Variants in MED25 observed in about 807,000 individuals in gnomAD.
MED25 encodes the protein mediator complex subunit 25.
Under a neutral mutation model 89.4 loss-of-function variants are expected in MED25, and 62 were observed. The observed-to-expected ratio is 0.69, with a 90% CI of 0.57 to 0.86. The LOEUF (loss-of-function observed/expected upper bound fraction) is 0.86. MED25 is among the 40% of genes least tolerant of loss of function. The pLI is 0.00. For missense variants in MED25, 905 were observed against 1,005.2 expected, an observed-to-expected ratio of 0.90 and a Z score of 1.35; for synonymous variants, 449 against 427.9, an observed-to-expected ratio of 1.05 and a Z score of -0.61.
At chr19:49,828,896 G>A (rs947907918) in intron 4 of MED25, 74 bp from the exon 5 acceptor site, 50 of 1,602,466 alleles carry the variant, frequency 3.1e-5, no homozygotes, top group South Asian at 1.4e-4. Context: ...GTGCATCTCC[G>A]CTGGTGCTGG....
At position 49,834,807 on chromosome 19, in the gene MED25, G is replaced by A. The variant is rs1266923636; in HGVS notation, c.1483-179G>A. 1 of 645,660 alleles carries A rather than the reference G, an allele frequency of 1.5e-6. No individual in the cohort carries two copies. The highest frequency in any genetic ancestry group is 1.8e-5 in the African/African-American group (1 of 55,154). The allele number at this position is 645,660 out of a possible 1,614,324, so 40.0% of individuals were successfully genotyped here. A position where few individuals can be genotyped will look rare whatever the true frequency, so the allele number is the denominator to read the frequency against. On this transcript the variant is annotated intron_variant, in intron 13 of 17. Transcript: ENST00000312865. The surrounding 1 kb of genome is among the most constrained non-coding windows in gnomAD (Gnocchi z 4.1). ...GGCAGCTGGAACCCTAGCTTGCCCTGAGCGCCTCAGTTTCTGTCTCCAGAG... is the reference window on the plus strand; with the variant it reads ...GGCAGCTGGAACCCTAGCTTGCCCTAAGCGCCTCAGTTTCTGTCTCCAGAG...
Position 49,830,933 on chromosome 19 carries a change from C to T in MED25, c.1101+46C>T. On this transcript the variant is annotated intron_variant, in intron 9 of 17. Transcript: ENST00000312865. The surrounding 1 kb of genome is among the most constrained non-coding windows in gnomAD (Gnocchi z 4.6). Reference sequence around the variant, plus strand: ...TGCCCCTGCTCCTTCCTCCTGCTGTCCACAGCTAGGACAGTTAGAGGATGA... The same window carrying T: ...TGCCCCTGCTCCTTCCTCCTGCTGTTCACAGCTAGGACAGTTAGAGGATGA... 6.5e-7 allele frequency: 1 copy of T among 1,546,158 alleles called. No individual in the cohort carries two copies.
chr19:49,818,986 G>A, intron 2 of MED25, 186 bp from the exon 3 acceptor site: 2 of 724,830 alleles, frequency 2.8e-6, no homozygotes, highest in Non-Finnish European at 4.7e-6. Context: ...GGGAGGAGGG[G>A]CCGGGGGCCT....
Position 49,830,426 on chromosome 19 carries a change from C to T in MED25, c.820-85C>T. On this transcript the variant is annotated intron_variant, in intron 7 of 17. Coordinates refer to ENST00000312865, the MANE Select transcript of MED25 (RefSeq NM_030973.4). The surrounding 1 kb of genome is among the most constrained non-coding windows in gnomAD (Gnocchi z 4.6). ...TATCCCAGCTGGTGCCTCATGGGGC[C>T]ATGGGTGGTGTGACCTCGTGGGATA... is the stretch of plus-strand genomic sequence containing the variant. 7.2e-7 allele frequency: 1 copy of T among 1,396,812 alleles called. No individual in the cohort carries two copies. The highest frequency in any genetic ancestry group is 1.0e-6 in the Non-Finnish European group (1 of 990,068). 86.5% of individuals were successfully genotyped at this position (1,396,812 alleles called of 1,614,324 possible).
rs2074088247 is a variant in MED25 at position 49,835,410 on chromosome 19, C to T, written c.1675-124C>T. The T allele has an allele frequency of 1.9e-6, 2 of 1,072,450 alleles. No homozygotes were observed. The highest frequency in any genetic ancestry group is 2.7e-6 in the Non-Finnish European group (2 of 740,328). The allele number at this position is 1,072,450 out of a possible 1,614,324, so 66.4% of individuals were successfully genotyped here. ...GGAGTGTACGGCATCCCTCCCAGAC[C>T]ACTCACCCCCAAAGAGAATGTCCCC... On this transcript the variant is annotated intron_variant, in intron 14 of 17. Transcript: ENST00000312865. This position sits in a 1 kb window ranked among gnomAD's most constrained non-coding sequence, Gnocchi z 6.2.
chr19:49,822,284 AC>A (rs1248003240), intron 3 of MED25, among the ~76,000 whole-genome samples: 40 of 140,854 alleles, frequency 2.8e-4, no homozygotes, highest in African/African-American at 1.1e-3. Context: ...AAAAAAAAAA[AC>A]CATACAAAAA....
Position 49,835,537 on chromosome 19 carries a change from G to T in MED25, c.1678G>T (p.Gly560Trp), listed in dbSNP as rs866498468. The change falls in exon 15 of 18, where the codon GGG becomes TGG. Residue 560 changes from glycine to tryptophan, a missense_variant. Around this residue, in one of 3 missense-constraint regions of MED25, gnomAD observed 271 missense variants for 258.1 expected, o/e 1.05. Transcript: ENST00000312865. The surrounding 1 kb of genome is among the most constrained non-coding windows in gnomAD (Gnocchi z 6.2). Reference protein sequence around the residue: ...QKLEQQQRGMGGQQAPPGLGP... With the variant: ...QKLEQQQRGMWGQQAPPGLGP... The stretch of plus-strand genomic sequence containing the variant: ...CTGCCCCTCTCTCCCCGTGCAGATG[G>T]GGGGACAGCAGGCACCCCCAGGGCT... The T allele has an allele frequency of 1.3e-6, 2 of 1,558,630 alleles. No homozygotes were observed. The highest frequency in any genetic ancestry group is 1.7e-6 in the Non-Finnish European group (2 of 1,152,000).
Position 49,829,702 on chromosome 19 carries a change from C to A in MED25, c.526-84C>A. ...TTGTAGGGCTGGTGCCGTCCAGCCA[C>A]ACAGCAGTTGTGGTAGGTTGGGGGC... On this transcript the variant is annotated intron_variant, in intron 5 of 17. Coordinates refer to ENST00000312865, the MANE Select transcript of MED25 (RefSeq NM_030973.4). The surrounding 1 kb of genome is among the most constrained non-coding windows in gnomAD (Gnocchi z 4.6). 4 of 1,426,218 alleles carry A rather than the reference C, an allele frequency of 2.8e-6. No homozygotes were observed. Among genetic ancestry groups the A allele is most frequent in the Middle Eastern group, 2.3e-4 (1 of 4,320 alleles). 88.3% of individuals were successfully genotyped at this position (1,426,218 alleles called of 1,614,324 possible).
rs1386644663 is a variant in MED25, at chr19:49,835,109, G to A, written c.1606G>A (p.Gly536Ser). 1.9e-6 allele frequency: 3 copies of A among 1,613,912 alleles called. No homozygotes were observed. In the African/African-American group the frequency reaches 4.0e-5, roughly 22 times the overall value. The change falls in exon 14 of 18, where the codon GGC becomes AGC. Residue 536 changes from glycine to serine, a missense_variant. By Grantham distance (56) the Gly-to-Ser change is moderately conservative. This residue lies in a region of MED25 where 133 missense variants were observed against 220.2 expected (regional missense o/e 0.60). Coordinates refer to ENST00000312865, the MANE Select transcript of MED25 (RefSeq NM_030973.4). The surrounding 1 kb of genome is among the most constrained non-coding windows in gnomAD (Gnocchi z 6.2). ...CTACGACCAGAGCGGCTTCGTCAAC[G>A]GCATCCGGCAGGTCATCACCAACCA... Reference protein sequence around the residue: ...IPYDQSGFVNGIRQVITNHKQ... With the variant: ...IPYDQSGFVNSIRQVITNHKQ...
downstream of MED25, chr19:49,838,437 C>G (rs570275781): frequency 1.4e-4 from 54 of 380,810 alleles, no homozygotes; most frequent in Non-Finnish European, 2.6e-4. Flanking sequence ...CTTTCTGGTT[C>G]GCCACAGTCC....
In MED25 at chr19:49,835,753, G is replaced by A; in HGVS notation, c.1773G>A (p.Gln591=). 6.2e-7 allele frequency: 1 copy of A among 1,610,850 alleles called. No homozygotes were observed. The change falls in exon 16 of 18, where the codon CAG becomes CAA. Residue 591 remains glutamine, a synonymous_variant. Coordinates refer to ENST00000312865, the MANE Select transcript of MED25 (RefSeq NM_030973.4). This position sits in a 1 kb window ranked among gnomAD's most constrained non-coding sequence, Gnocchi z 6.2. ...NLLQLRPPQP[Q]PQGTVGASGA... ...TCCAGCTCCGCCCACCGCAGCCCCA[G>A]CCTCAGGGTACCGTAGGGGCCTCTG... is the stretch of plus-strand genomic sequence containing the variant.
chr19:49,832,232 AC>A lies in MED25; in HGVS notation c.1375-71del. On this transcript the variant is annotated intron_variant, in intron 12 of 17. Coordinates refer to ENST00000312865, the MANE Select transcript of MED25 (RefSeq NM_030973.4). ...CTGTCTCTTTCCTGTTCCCTGCCCC[AC>A]CCCCACTCCCTGCCTCATGTCCCCG... is the stretch of plus-strand genomic sequence containing the variant. The A allele has an allele frequency of 1.3e-6, 2 of 1,516,534 alleles. 1 individual carries two copies. Among genetic ancestry groups the A allele is most frequent in the South Asian group, 2.3e-5 (2 of 86,428 alleles). 93.9% of individuals were successfully genotyped at this position (1,516,534 alleles called of 1,614,324 possible). A position where few individuals can be genotyped will look rare whatever the true frequency, so the allele number is the denominator to read the frequency against.
intron 3 of MED25, 99 bp downstream of exon 3, chr19:49,819,395 A>G: frequency 1.4e-6 from 2 of 1,409,426 alleles, no homozygotes; most frequent in South Asian, 2.5e-5. Context: ...GAGGCTGTGA[A>G]TAAGTGATGG....
chr19:49,825,714 C>T (rs548669227), intron 3 of MED25, among the ~76,000 whole-genome samples: 2 of 152,020 alleles, frequency 1.3e-5, no homozygotes, highest in South Asian at 4.1e-4. Context: ...GCCTGTAATC[C>T]CAGCTACTCG....
intron 3 of MED25, among the ~76,000 whole-genome samples, chr19:49,824,925 C>G (rs1453035968): frequency 6.6e-6 from 1 of 152,116 alleles, no homozygotes; most frequent in Admixed American, 6.5e-5. Flanking sequence ...CTGGGTAGAA[C>G]AAATGGGAGT....
At chr19:49,825,287 C>T (rs1264557622) in intron 3 of MED25, among the ~76,000 whole-genome samples, 1 of 152,026 alleles carries the variant, frequency 6.6e-6, no homozygotes, top group Non-Finnish European at 1.5e-5. Context: ...CTCTCTCTCT[C>T]TCCCAGGCTG....
intron 13 of MED25, chr19:49,832,966 T>C (rs1201401529): frequency 5.4e-6 from 1 of 185,216 alleles, no homozygotes; most frequent in African/African-American, 2.4e-5. Context: ...TCTCTGTATC[T>C]TTGTGTCTGT....
chr19:49,835,697 C>T lies in MED25; in HGVS notation c.1747-30C>T. ...AGAAGGGGCGTGAGGCCCTGCCCATCTCCCTCACCCCTGTGTCTCTTCCCA... is the reference window on the plus strand; with the variant it reads ...AGAAGGGGCGTGAGGCCCTGCCCATTTCCCTCACCCCTGTGTCTCTTCCCA... On this transcript the variant is annotated intron_variant, in intron 15 of 17. Transcript: ENST00000312865. The surrounding 1 kb of genome is among the most constrained non-coding windows in gnomAD (Gnocchi z 6.2). The T allele has an allele frequency of 6.2e-7, 1 of 1,601,300 alleles. No individual in the cohort carries two copies. Among genetic ancestry groups the T allele is most frequent in the Non-Finnish European group, 8.5e-7 (1 of 1,174,744 alleles).
Position 49,819,240 on chromosome 19 carries a change from A to G in MED25, c.249A>G (p.Gln83=), listed in dbSNP as rs1291395600. Residue 83 remains glutamine, a synonymous_variant, in exon 3 of 18, where the codon CAA becomes CAG. Coordinates refer to ENST00000312865, the MANE Select transcript of MED25 (RefSeq NM_030973.4). The part of the protein sequence containing the change: ...TVDCAPESYV[Q]CHAPTSSAYE... ...ACTGCGCTCCCGAGTCCTACGTACA[A>G]TGTCACGCTCCCACCAGCAGCGCCT... The G allele has an allele frequency of 1.2e-6, 2 of 1,614,192 alleles. No homozygotes were observed. The highest frequency in any genetic ancestry group is 1.7e-6 in the Non-Finnish European group (2 of 1,180,026).
Sources: gnomAD v4.1 joint callset for allele counts (sites outside exome capture counted in the v4.1 genomes callset) on GRCh38, gnomAD v4.1.1 for gene constraint, gnomAD v4.1.1 regional missense constraint, Gnocchi (gnomAD v3.1) non-coding constraint, MANE v1.5 for transcripts, NCBI Gene and HGNC (gene_info 2026-07-23, HGNC 2026-07-21) for gene names.